SNRNP40: variants seen among roughly 807,000 people sequenced by gnomAD.
SNRNP40 encodes small nuclear ribonucleoprotein U5 subunit 40.
SNRNP40 carries 21 observed loss-of-function variants against 45.8 expected under a neutral mutation model. That is an observed-to-expected ratio of 0.46 (90% CI 0.32 to 0.66). SNRNP40 has a LOEUF of 0.66. SNRNP40 is among the 30% of genes least tolerant of loss of function. The probability of loss-of-function intolerance (pLI) is 0.03; values close to 1 mark genes in which losing one functional copy is unlikely to be tolerated. For missense variants in SNRNP40, 344 were observed against 439.1 expected (o/e 0.78, Z 1.94); for synonymous variants, 142 against 163.8 (o/e 0.87, Z 1.01).
chr1:31,295,725 G>A (rs892876773), intron 1 of SNRNP40, among the ~76,000 whole-genome samples: 1 of 152,244 alleles, frequency 6.6e-6, no homozygotes, highest in African/African-American at 2.4e-5. Context: ...GATTCCTTTG[G>A]TTATTGGCTT....
At chr1:31,282,487 C>CTATCTATG (rs1357189594) in intron 4 of SNRNP40, 3 of 107,786 alleles carry the variant, frequency 2.8e-5, no homozygotes, top group South Asian at 3.3e-4. Context: ...ATCTATGTAT[C>CTATCTATG]TATCTATCTA....
At chr1:31,287,964 T>C (rs554892564) in intron 4 of SNRNP40, among the ~76,000 whole-genome samples, 2 of 152,090 alleles carry the variant, frequency 1.3e-5, no homozygotes, top group African/African-American at 2.4e-5. Context: ...GCCACTGCAC[T>C]CCAGCCTGGG....
At chr1:31,286,666 T>C (rs1339183001) in intron 4 of SNRNP40, among the ~76,000 whole-genome samples, 1 of 152,280 alleles carries the variant, frequency 6.6e-6, no homozygotes, top group East Asian at 1.9e-4. Flanking sequence ...TTCACCCCAT[T>C]AGGGCACTGT....
At chr1:31,274,002 A>G (rs1020637666) in intron 5 of SNRNP40, among the ~76,000 whole-genome samples, 3 of 151,768 alleles carry the variant, frequency 2.0e-5, no homozygotes, top group Admixed American at 1.3e-4. Flanking sequence ...GTGGAAGGGT[A>G]TTTACTAGGA....
At position 31,296,667 on chromosome 1, in the gene SNRNP40, C is replaced by G. The variant is rs771780861; in HGVS notation, c.85G>C (p.Gly29Arg). The change falls in exon 1 of 10, where the codon GGG becomes CGG. Residue 29 changes from glycine to arginine, a missense_variant. By Grantham distance (125) the Gly-to-Arg change is moderately radical. Around this residue, in one of 2 missense-constraint regions of SNRNP40, gnomAD observed 90 missense variants for 58.9 expected, o/e 1.53. Coordinates refer to ENST00000263694, the MANE Select transcript of SNRNP40 (RefSeq NM_004814.3). ...RQRHELLLGA[G>R]SGPGAGQQQA... ...TGCTGCCCGGCTCCTGGGCCAGACCCCGCTCCCAACAGCAACTCATGCCGC... is the reference window on the plus strand; with the variant it reads ...TGCTGCCCGGCTCCTGGGCCAGACCGCGCTCCCAACAGCAACTCATGCCGC... 1 of 1,613,998 alleles carries G rather than the reference C, an allele frequency of 6.2e-7. No individual in the cohort carries two copies. Among genetic ancestry groups the G allele is most frequent in the Non-Finnish European group, 8.5e-7 (1 of 1,179,944 alleles).
At chr1:31,284,359 A>T (rs1356962252) in intron 4 of SNRNP40, among the ~76,000 whole-genome samples, 1 of 152,218 alleles carries the variant, frequency 6.6e-6, no homozygotes, top group Non-Finnish European at 1.5e-5. Flanking sequence ...CATGTTGGCC[A>T]GGCTGGTCTC....
intron 9 of SNRNP40, 65 bp downstream of exon 9, chr1:31,261,464 C>A: frequency 9.4e-7 from 1 of 1,064,662 alleles, no homozygotes; most frequent in Non-Finnish European, 1.5e-6. Flanking sequence ...TTTTGACTCT[C>A]TATTCCCAGG....
At chr1:31,267,408 C>T (rs897837720) in intron 8 of SNRNP40, among the ~76,000 whole-genome samples, 3 of 152,310 alleles carry the variant, frequency 2.0e-5, no homozygotes, top group Admixed American at 1.3e-4. Flanking sequence ...TTGTCGAACA[C>T]GGTTTTGAAA....
intron 5 of SNRNP40, among the ~76,000 whole-genome samples, chr1:31,274,712 G>A (rs374262902): frequency 1.1e-4 from 16 of 139,688 alleles, no homozygotes; most frequent in African/African-American, 4.3e-4. Context: ...TACAAGAAAC[G>A]CCAGATTGCC....
At chr1:31,283,127 T>G (rs117307461) in intron 4 of SNRNP40, among the ~76,000 whole-genome samples, 1 of 151,820 alleles carries the variant, frequency 6.6e-6, no homozygotes, top group African/African-American at 2.4e-5. Flanking sequence ...TGGCAAGGAG[T>G]TGAAGGCAGG....
intron 2 of SNRNP40, chr1:31,292,984 AC>A (rs2148392160): frequency 1.9e-6 from 1 of 518,016 alleles, no homozygotes; most frequent in East Asian, 3.5e-5. Flanking sequence ...ACATTCTCAA[AC>A]CAGAACAACT....
intron 9 of SNRNP40, 122 bp from the exon 10 acceptor site, chr1:31,260,243 C>T: frequency 8.2e-6 from 5 of 613,012 alleles, no homozygotes; most frequent in Non-Finnish European, 1.4e-5. Flanking sequence ...CTTAAATTCC[C>T]CTCCTAAACA....
At chr1:31,286,904 T>A (rs60441419) in intron 4 of SNRNP40, among the ~76,000 whole-genome samples, 14,062 of 152,260 alleles carry the variant, frequency 0.092, 2,193 homozygotes, top group African/African-American at 0.32. Context: ...GCTTTAGGAC[T>A]GAACTGCTCA....
intron 1 of SNRNP40, among the ~76,000 whole-genome samples, chr1:31,296,226 G>A (rs1167907595): frequency 2.0e-5 from 3 of 152,104 alleles, no homozygotes; most frequent in African/African-American, 4.8e-5. Context: ...GTCCCAAAAC[G>A]AGCCAACACA....
In SNRNP40 at chr1:31,273,763, T is replaced by C. The variant is rs976558395; in HGVS notation, c.655-2264A>G. 2.7e-4 allele frequency among the ~76,000 whole-genome samples: 41 copies of C among 151,972 alleles called. 2 individuals carry two copies. The highest frequency in any genetic ancestry group is 8.8e-5 in the Non-Finnish European group (6 of 67,980). On this transcript the variant is annotated intron_variant, in intron 5 of 9. Coordinates refer to ENST00000263694, the MANE Select transcript of SNRNP40 (RefSeq NM_004814.3). ...TACTGCTGGAGATTAAAAAAAGACATGGCCCTGCTCACAAGGAGTGTTCAG... is the reference window on the plus strand; with the variant it reads ...TACTGCTGGAGATTAAAAAAAGACACGGCCCTGCTCACAAGGAGTGTTCAG...
intron 4 of SNRNP40, among the ~76,000 whole-genome samples, chr1:31,287,959 T>C (rs1265103499): frequency 1.3e-5 from 2 of 152,176 alleles, no homozygotes; most frequent in East Asian, 3.8e-4. Context: ...ATTGCGCCAC[T>C]GCACTCCAGC....
intron 8 of SNRNP40, 181 bp from the exon 9 acceptor site, chr1:31,261,813 A>G (rs1645861059): frequency 4.3e-6 from 2 of 468,192 alleles, no homozygotes; most frequent in Non-Finnish European, 7.6e-6. Flanking sequence ...TCACCTCTTG[A>G]GCAATGGGGT....
chr1:31,291,010 C>T (rs1486566946), intron 3 of SNRNP40, among the ~76,000 whole-genome samples: 1 of 151,994 alleles, frequency 6.6e-6, no homozygotes, highest in African/African-American at 2.4e-5. Context: ...AGTGATTGGC[C>T]AGGCACGGTG....
At chr1:31,267,575 C>T (rs1031973354) in intron 8 of SNRNP40, among the ~76,000 whole-genome samples, 4 of 152,086 alleles carry the variant, frequency 2.6e-5, no homozygotes, top group African/African-American at 7.2e-5. Context: ...TCTTGCTGCC[C>T]GGGCTGGAGC....
Sources: gnomAD v4.1 joint callset for allele counts (sites outside exome capture counted in the v4.1 genomes callset) on GRCh38, gnomAD v4.1.1 for gene constraint, gnomAD v4.1.1 regional missense constraint, MANE v1.5 for transcripts, NCBI Gene and HGNC (gene_info 2026-07-23, HGNC 2026-07-21) for gene names.